Variants in MRM3 observed in about 807,000 individuals in gnomAD.
MRM3 encodes the protein rRNA methyltransferase 3, mitochondrial.
A neutral mutation model predicts 29.4 loss-of-function variants in MRM3; 26 were observed. That is an observed-to-expected ratio of 0.89 (90% CI 0.65 to 1.23). The LOEUF is 1.23. MRM3 is among the 50% of genes most tolerant of loss of function. MRM3 has a pLI of 0.00. For synonymous variants in MRM3, 225 were observed against 219.0 expected (o/e 1.03, Z -0.24); for missense variants, 578 against 540.2 (o/e 1.07, Z -0.69).
At chr17:783,041 T>C in intron 1 of MRM3, 42 bp from the exon 2 acceptor site, 1 of 1,555,982 alleles carries the variant, frequency 6.4e-7, no homozygotes, top group South Asian at 1.2e-5. Context: ...GTAACAAGGA[T>C]GTTGATAGTT....
chr17:782,992 C>G, intron 1 of MRM3, 91 bp from the exon 2 acceptor site: 2 of 1,499,406 alleles, frequency 1.3e-6, no homozygotes, highest in East Asian at 2.3e-5. Flanking sequence ...CCGGCCCTCT[C>G]CGTAGCTCTT....
intron 3 of MRM3, 150 bp from the exon 4 acceptor site, chr17:791,384 G>A (rs775352508): frequency 1.2e-4 from 92 of 756,048 alleles, no homozygotes; most frequent in Admixed American, 2.9e-4. Flanking sequence ...GCTGGATGCT[G>A]TCAGAGAGAG....
rs1469096567 is a variant in MRM3 at position 787,014 on chromosome 17, G to A, written c.560-951G>A. Among the ~76,000 whole-genome samples the A allele has an allele frequency of 1.3e-5, 2 of 152,174 alleles. No individual in the cohort carries two copies. The highest frequency in any genetic ancestry group is 2.9e-5 in the Non-Finnish European group (2 of 68,026). On this transcript the variant is annotated intron_variant, in intron 2 of 3. Coordinates refer to ENST00000304478, the MANE Select transcript of MRM3 (RefSeq NM_018146.4). The surrounding 1 kb of genome is among the most constrained non-coding windows in gnomAD (Gnocchi z 4.1). ...TCCCAGCACTTTGGGAGGCCGAGGA[G>A]GGTGGATCACCTGAGGTCAGGAGTT...
chr17:788,263 A>C, intron 3 of MRM3, 131 bp downstream of exon 3: 1 of 835,540 alleles, frequency 1.2e-6, no homozygotes, highest in Non-Finnish European at 1.8e-6. Context: ...CCTCATCTCT[A>C]CAAAAAAAAC....
Position 782,614 on chromosome 17 carries a change from C to G in MRM3, c.236C>G (p.Ser79Cys), listed in dbSNP as rs766298501. 1.2e-6 allele frequency: 2 copies of G among 1,613,964 alleles called. No individual in the cohort carries two copies. Among genetic ancestry groups the G allele is most frequent in the South Asian group, 2.2e-5 (2 of 91,080 alleles). The change falls in exon 1 of 4, where the codon TCC (serine) becomes TGC (cysteine). Residue 79 changes from serine (S) to cysteine (C), a missense_variant. Physicochemically the swap from Ser to Cys is moderately radical, Grantham distance 112 (BLOSUM62 -1). Transcript: ENST00000304478. ...EQREKQPLEE[S>C]ASRAPSTWEE... The stretch of plus-strand genomic sequence containing the variant: ...CGAGAGAAACAACCGCTCGAGGAGT[C>G]CGCATCCCGCGCTCCCAGCACCTGG...
In MRM3 at chr17:791,941, C is replaced by T. The variant is rs992467729; in HGVS notation, c.1135C>T (p.Leu379=). The T allele has an allele frequency of 1.9e-5, 30 of 1,613,916 alleles. No homozygotes were observed. Among genetic ancestry groups the T allele is most frequent in the Admixed American group, 8.3e-5 (5 of 60,000 alleles). ...CGAGAGCACTGGTGGCAAGAGGCTG[C>T]TGATCCCCGTTGTGCCTGGTGTGGA... The part of the protein sequence containing the change: ...LAESTGGKRL[L]IPVVPGVDSL... The change falls in exon 4 of 4, where the codon CTG becomes TTG. Residue 379 remains leucine (L), a synonymous_variant. Transcript: ENST00000304478.
chr17:784,645 T>C (rs1332076538), intron 2 of MRM3, among the ~76,000 whole-genome samples: 2 of 152,330 alleles, frequency 1.3e-5, no homozygotes, highest in South Asian at 2.1e-4. Context: ...CTTATCCTTA[T>C]GTTACTATAT....
intron 3 of MRM3, chr17:788,348 C>T (rs1033576700): frequency 2.3e-5 from 12 of 528,840 alleles, no homozygotes; most frequent in African/African-American, 7.6e-5. Flanking sequence ...GGGAGGATTG[C>T]TTGAGCCTGG....
intron 3 of MRM3, among the ~76,000 whole-genome samples, chr17:788,958 G>A (rs1345716538): frequency 3.9e-5 from 6 of 152,182 alleles, no homozygotes; most frequent in African/African-American, 7.2e-5. Context: ...CCTGCCTCAC[G>A]AGTAATTCAG....
Position 792,156 on chromosome 17 carries a change from T to A in MRM3, c.*87T>A. 7.4e-7 allele frequency: 1 copy of A among 1,342,824 alleles called. No homozygotes were observed. Among genetic ancestry groups the A allele is most frequent in the Non-Finnish European group, 1.0e-6 (1 of 980,216 alleles). The allele number at this position is 1,342,824 out of a possible 1,614,324, so 83.2% of individuals were successfully genotyped here. ...GGGAGGCTGGCGGAGTCAGTGACTA[T>A]GGCCCCCACGTTCAGGAGGAAGGTG... On this transcript the variant is annotated 3_prime_UTR_variant, in exon 4 of 4. Transcript: ENST00000304478.
At chr17:788,219 G>C in intron 3 of MRM3, 87 bp downstream of exon 3, 1 of 1,359,254 alleles carries the variant, frequency 7.4e-7, no homozygotes, top group Middle Eastern at 2.0e-4. Flanking sequence ...CTTGAGCCCA[G>C]GAGTTCAGGA....
rs1234920067 is a variant in MRM3 at position 783,488 on chromosome 17, C to T, written c.559+161C>T. 4.7e-6 allele frequency: 3 copies of T among 637,148 alleles called. No individual in the cohort carries two copies. In the Admixed American group the frequency reaches 9.9e-5, roughly 21 times the overall value. The allele number at this position is 637,148 out of a possible 1,614,324, so 39.5% of individuals were successfully genotyped here. A position where few individuals can be genotyped will look rare whatever the true frequency, so the allele number is the denominator to read the frequency against. ...AGTAGCTGGGATTACAGGCGTCTGC[C>T]ACCATGCCCGGGTGATTTTTGTATT... is the stretch of plus-strand genomic sequence containing the variant. On this transcript the variant is annotated intron_variant, in intron 2 of 3. Coordinates refer to ENST00000304478, the MANE Select transcript of MRM3 (RefSeq NM_018146.4).
In MRM3 at chr17:787,610, G is replaced by T. The variant is rs1009085929; in HGVS notation, c.560-355G>T. On this transcript the variant is annotated intron_variant, in intron 2 of 3. Transcript: ENST00000304478. The surrounding 1 kb of genome is among the most constrained non-coding windows in gnomAD (Gnocchi z 4.1). ...GTCGCCCAGGCTGGAGTGCAGTGGCGTGATCTTGGCTCACCACAACCTCCA... is the reference window on the plus strand; with the variant it reads ...GTCGCCCAGGCTGGAGTGCAGTGGCTTGATCTTGGCTCACCACAACCTCCA... 6.6e-6 allele frequency among the ~76,000 whole-genome samples: 1 copy of T among 151,876 alleles called. No homozygotes were observed. The highest frequency in any genetic ancestry group is 2.4e-5 in the African/African-American group (1 of 41,330).
At chr17:788,201 G>A (rs1910629790) in intron 3 of MRM3, 69 bp downstream of exon 3, 1 of 1,534,776 alleles carries the variant, frequency 6.5e-7, no homozygotes, top group Non-Finnish European at 8.9e-7. Flanking sequence ...GCCGAGGCAG[G>A]AGGGTCACTT....
Position 787,152 on chromosome 17 carries a change from AG to A in MRM3, c.560-811del, listed in dbSNP as rs1180436422. Among the ~76,000 whole-genome samples the A allele has an allele frequency of 1.3e-5, 2 of 152,158 alleles. No individual in the cohort carries two copies. The highest frequency in any genetic ancestry group is 2.9e-5 in the Non-Finnish European group (2 of 68,034). Reference sequence around the variant, plus strand: ...CCAGCTACTTGGGAGGCTGAGAGGCAGGAGAATTGCTTAAACCCGGGAGGCA... The same window carrying A: ...CCAGCTACTTGGGAGGCTGAGAGGCAGAGAATTGCTTAAACCCGGGAGGCA... On this transcript the variant is annotated intron_variant, in intron 2 of 3. Coordinates refer to ENST00000304478, the MANE Select transcript of MRM3 (RefSeq NM_018146.4). The surrounding 1 kb of genome is among the most constrained non-coding windows in gnomAD (Gnocchi z 4.1).
chr17:789,395 C>A (rs1910693321), intron 3 of MRM3, among the ~76,000 whole-genome samples: 1 of 152,206 alleles, frequency 6.6e-6, no homozygotes. Flanking sequence ...GGGTCACATG[C>A]CCCGCACACA....
In MRM3 at chr17:792,238, G is replaced by A. The variant is rs982502003; in HGVS notation, c.*169G>A. 6.3e-6 allele frequency: 4 copies of A among 635,348 alleles called. No individual in the cohort carries two copies. Among genetic ancestry groups the A allele is most frequent in the South Asian group, 5.4e-5 (2 of 36,964 alleles). The allele number at this position is 635,348 out of a possible 1,614,324, so 39.4% of individuals were successfully genotyped here. A position where few individuals can be genotyped will look rare whatever the true frequency, so the allele number is the denominator to read the frequency against. On this transcript the variant is annotated 3_prime_UTR_variant, in exon 4 of 4. Transcript: ENST00000304478. ...GAACTTCCTCAGAAAGAACAGGTCCGAATTCTTCCTGTCGCGTCACTGATT... is the reference window on the plus strand; with the variant it reads ...GAACTTCCTCAGAAAGAACAGGTCCAAATTCTTCCTGTCGCGTCACTGATT...
rs749423329 is a variant in MRM3 at position 787,435 on chromosome 17, A to G, written c.560-530A>G. Among the ~76,000 whole-genome samples the G allele has an allele frequency of 3.9e-5, 6 of 152,236 alleles. No individual in the cohort carries two copies. Among genetic ancestry groups the G allele is most frequent in the Non-Finnish European group, 5.9e-5 (4 of 68,040 alleles). Reference sequence around the variant, plus strand: ...ATATATATAGGTAGATGCATAGAACAAGTTCTAAAAGGATACACTCCAAAA... The same window carrying G: ...ATATATATAGGTAGATGCATAGAACGAGTTCTAAAAGGATACACTCCAAAA... On this transcript the variant is annotated intron_variant, in intron 2 of 3. Transcript: ENST00000304478. This position sits in a 1 kb window ranked among gnomAD's most constrained non-coding sequence, Gnocchi z 4.1.
Position 787,867 on chromosome 17 carries a change from T to G in MRM3, c.560-98T>G, listed in dbSNP as rs900579399. 5 of 1,245,844 alleles carry G rather than the reference T, an allele frequency of 4.0e-6. No homozygotes were observed. Among genetic ancestry groups the G allele is most frequent in the Non-Finnish European group, 4.6e-6 (4 of 860,474 alleles). The allele number at this position is 1,245,844 out of a possible 1,614,324, so 77.2% of individuals were successfully genotyped here. The stretch of plus-strand genomic sequence containing the variant: ...CCTGGCCTGTATTCCTGTATTTTTA[T>G]GTAACTAAGACCATATCAAGATTGA... On this transcript the variant is annotated intron_variant, in intron 2 of 3. Coordinates refer to ENST00000304478, the MANE Select transcript of MRM3 (RefSeq NM_018146.4). The surrounding 1 kb of genome is among the most constrained non-coding windows in gnomAD (Gnocchi z 4.1).
Sources: allele counts gnomAD v4.1 joint callset (sites outside exome capture counted in the v4.1 genomes callset), GRCh38; gene constraint gnomAD v4.1.1; non-coding constraint Gnocchi (gnomAD v3.1); transcripts MANE v1.5; gene names NCBI Gene and HGNC (gene_info 2026-07-23, HGNC 2026-07-21).